Variants in SOX5 observed in about 807,000 individuals in gnomAD.
SOX5 encodes the protein transcription factor SOX-5.
SOX5 carries 9 observed loss-of-function variants against 92.0 expected under a neutral mutation model. The observed-to-expected ratio is 0.10, with a 90% CI of 0.06 to 0.17. SOX5 has a LOEUF of 0.17. Among genes scored for constraint, SOX5 ranks in the 10% least tolerant of loss-of-function variants. The pLI is 1.00. For synonymous variants in SOX5, 344 were observed against 336.3 expected, an observed-to-expected ratio of 1.02 and a Z score of -0.25; for missense variants, 642 against 944.5, an observed-to-expected ratio of 0.68 and a Z score of 4.20.
At chr12:24,551,347 G>GACAA (rs5797090) in intron 1 of SOX5, among the ~76,000 whole-genome samples, 152,313 of 152,332 alleles carry the variant, frequency 1, 76,147 homozygotes, top group Middle Eastern at 1. Flanking sequence ...CTTGGTGACA[G>GACAA]ACAATCAGAT....
At chr12:24,095,211 T>C (rs1945256038) in intron 4 of SOX5, among the ~76,000 whole-genome samples, 2 of 150,254 alleles carry the variant, frequency 1.3e-5, no homozygotes, top group Admixed American at 1.3e-4. Flanking sequence ...TTCCTAATTA[T>C]TGCAGAAAAA....
At chr12:24,350,637 C>T (rs1046999588) in intron 2 of SOX5, among the ~76,000 whole-genome samples, 1 of 152,194 alleles carries the variant, frequency 6.6e-6, no homozygotes, top group Admixed American at 6.5e-5. Flanking sequence ...AGCCACTGCG[C>T]CTGGCCTGGT....
At chr12:23,719,725 C>T (rs2092701831) in intron 6 of SOX5, among the ~76,000 whole-genome samples, 1 of 143,802 alleles carries the variant, frequency 7.0e-6, no homozygotes. Flanking sequence ...TACGATTGTG[C>T]CACTGCATGA....
chr12:24,136,263 C>T (rs1394493653), intron 4 of SOX5, among the ~76,000 whole-genome samples: 1 of 152,180 alleles, frequency 6.6e-6, no homozygotes, highest in Non-Finnish European at 1.5e-5. Flanking sequence ...CTGAGAAATC[C>T]TAAGGGGAGA....
rs184927527 is a variant in SOX5 at position 23,808,925 on chromosome 12, A to C, written c.481+37058T>G. 1.5e-3 allele frequency among the ~76,000 whole-genome samples: 225 copies of C among 152,288 alleles called. 1 individual carries two copies. The highest frequency in any genetic ancestry group is 1.1e-3 in the Non-Finnish European group (72 of 67,992). Reference sequence around the variant, plus strand: ...GATAAGTATTGACATATTAACATTCAATATTCTTTATTCAATTTAAATTAT... The same window carrying C: ...GATAAGTATTGACATATTAACATTCCATATTCTTTATTCAATTTAAATTAT... On this transcript the variant is annotated intron_variant, in intron 3 of 14. Transcript: ENST00000451604.
At chr12:23,774,998 T>C (rs1020035255) in intron 3 of SOX5, among the ~76,000 whole-genome samples, 3 of 152,152 alleles carry the variant, frequency 2.0e-5, no homozygotes, top group African/African-American at 7.2e-5. Flanking sequence ...AAATAGAATT[T>C]GCCTTAAAGC....
chr12:23,854,935 A>G (rs1029706982), intron 2 of SOX5, among the ~76,000 whole-genome samples: 2 of 152,134 alleles, frequency 1.3e-5, no homozygotes, highest in African/African-American at 4.8e-5. Flanking sequence ...GTTATGAGCT[A>G]TAAAATTCAT....
At chr12:24,401,763 G>A (rs1266922722) in intron 1 of SOX5, among the ~76,000 whole-genome samples, 9 of 131,022 alleles carry the variant, frequency 6.9e-5, no homozygotes, top group African/African-American at 2.6e-4. Context: ...TTCACTTAAA[G>A]TACTTACATA....
At chr12:23,584,215 T>G (rs1433153455) in intron 9 of SOX5, among the ~76,000 whole-genome samples, 1 of 151,884 alleles carries the variant, frequency 6.6e-6, no homozygotes, top group African/African-American at 2.4e-5. Flanking sequence ...AAATACCACA[T>G]GAAGGCACGG....
intron 2 of SOX5, among the ~76,000 whole-genome samples, chr12:24,311,320 T>G (rs148463322): frequency 6.6e-6 from 1 of 152,224 alleles, no homozygotes; most frequent in Non-Finnish European, 1.5e-5. Flanking sequence ...CCTGGGCCTT[T>G]TGAGCCATCA....
intron 3 of SOX5, chr12:23,762,613 G>GA (rs71059921): frequency 0.68 from 285,067 of 418,284 alleles, 77,860 homozygotes; most frequent in Admixed American, 0.8. Flanking sequence ...AATACAAAAA[G>GA]AAAAAAAAAA....
Position 24,360,704 on chromosome 12 carries a change from C to T in SOX5, c.-174+7859G>A, listed in dbSNP as rs143932894. ...TCTTAGTGGTTCATAGCGCAAGAGG[C>T]TTTTAAAGTGAGCTGTTCTAAAAAC... On this transcript the variant is annotated intron_variant, in intron 2 of 4. Transcript: ENST00000446891. Among the ~76,000 whole-genome samples the T allele has an allele frequency of 5.9e-5, 9 of 152,250 alleles. No individual in the cohort carries two copies. The East Asian group carries it at 1.7e-3, about 29-fold the overall frequency.
chr12:23,564,248 CATTT>C (rs1418319171), intron 10 of SOX5, among the ~76,000 whole-genome samples: 3 of 152,118 alleles, frequency 2.0e-5, no homozygotes, highest in Non-Finnish European at 2.9e-5. Context: ...TAACACTGGT[CATTT>C]ATTTATTTGA....
At position 24,484,977 on chromosome 12, in the gene SOX5, G is replaced by A. The variant is rs192807900; in HGVS notation, c.-251+77352C>T. On this transcript the variant is annotated intron_variant, in intron 1 of 4. Coordinates refer to the SOX5 transcript ENST00000446891. The stretch of plus-strand genomic sequence containing the variant: ...TATTCAGAGCGGTCAGAAACTCTGA[G>A]GGCTAGAAAGATAAAAAGTTGATCC... Among the ~76,000 whole-genome samples, 684 of 152,242 alleles carry A rather than the reference G, an allele frequency of 4.5e-3. 3 individuals carry two copies. The highest frequency in any genetic ancestry group is 0.015 in the African/African-American group (640 of 41,560).
chr12:23,944,756 G>A (rs897070249), intron 1 of SOX5, among the ~76,000 whole-genome samples: 1 of 152,088 alleles, frequency 6.6e-6, no homozygotes, highest in African/African-American at 2.4e-5. Context: ...TTATGTTTTT[G>A]TCCATTTCTT....
chr12:24,457,089 T>C (rs1231258070), intron 1 of SOX5, among the ~76,000 whole-genome samples: 5 of 152,226 alleles, frequency 3.3e-5, no homozygotes, highest in African/African-American at 1.2e-4. Context: ...TGAAATATAA[T>C]ACTATTAAAG....
At chr12:24,319,048 CA>C (rs1033453838) in intron 2 of SOX5, among the ~76,000 whole-genome samples, 1 of 152,202 alleles carries the variant, frequency 6.6e-6, no homozygotes, top group African/African-American at 2.4e-5. Context: ...TCTTCTCACT[CA>C]AGCCACTTCT....
chr12:23,550,780 A>T (rs1017354741), intron 11 of SOX5, among the ~76,000 whole-genome samples: 1 of 151,414 alleles, frequency 6.6e-6, no homozygotes, highest in Admixed American at 6.6e-5. Context: ...ATTTTGACTT[A>T]AAAAAAATAA....
intron 1 of SOX5, among the ~76,000 whole-genome samples, chr12:24,500,095 A>G (rs762403230): frequency 6.6e-6 from 1 of 152,182 alleles, no homozygotes; most frequent in African/African-American, 2.4e-5. Flanking sequence ...CAGTTCTGCC[A>G]CCGACTTGCT....
Sources: allele counts gnomAD v4.1 joint callset (sites outside exome capture counted in the v4.1 genomes callset), GRCh38; gene constraint gnomAD v4.1.1; transcripts MANE v1.5; gene names NCBI Gene and HGNC (gene_info 2026-07-23, HGNC 2026-07-21).